The following KIF1A variants were observed in gnomAD, a reference collection of about 807,000 sequenced individuals.
The protein encoded by KIF1A is kinesin family member 1A, also known as kinesin-like protein KIF1A.
In KIF1A, 46 loss-of-function variants were observed where a neutral mutation model predicts 227.3. The ratio of observed to expected loss-of-function variants is 0.20; its 90% CI spans 0.16 to 0.26. The LOEUF is 0.26. Among genes scored for constraint, KIF1A ranks in the 10% least tolerant of loss-of-function variants. The pLI, the probability that KIF1A is intolerant of heterozygous loss-of-function variation, is 1.00. For missense variants in KIF1A, 1,683 were observed against 2,485.9 expected (o/e 0.68, Z 6.87); for synonymous variants, 1,022 against 1,012.8 (o/e 1.01, Z -0.17).
At chr2:240,772,231 C>T (rs773495929) in intron 14 of KIF1A, among the ~76,000 whole-genome samples, 1 of 152,194 alleles carries the variant, frequency 6.6e-6, no homozygotes, top group Non-Finnish European at 1.5e-5. Context: ...CTGACCTTCG[C>T]AGGCCTTTGG....
Position 240,758,524 on chromosome 2 carries a change from G to A in KIF1A, c.2445-27C>T. Reference sequence around the variant, plus strand: ...TGCAGGGACGGCAGGGGTCAATGTGGACCCAGGCCCAGCGCTCAGCAGCTG... The same window carrying A: ...TGCAGGGACGGCAGGGGTCAATGTGAACCCAGGCCCAGCGCTCAGCAGCTG... On this transcript the variant is annotated intron_variant, in intron 25 of 48. Coordinates refer to ENST00000498729, the MANE Select transcript of KIF1A (RefSeq NM_001244008.2). This position sits in a 1 kb window ranked among gnomAD's most constrained non-coding sequence, Gnocchi z 5.2. The A allele has an allele frequency of 6.5e-7, 1 of 1,538,510 alleles. No individual in the cohort carries two copies. The highest frequency in any genetic ancestry group is 8.8e-7 in the Non-Finnish European group (1 of 1,140,284).
In KIF1A at chr2:240,716,189, T is replaced by C. The variant is rs2044583038; in HGVS notation, c.*1175A>G. The C allele has an allele frequency of 1.3e-5, 2 of 151,922 alleles. No individual in the cohort carries two copies. The highest frequency in any genetic ancestry group is 1.9e-4 in the East Asian group (1 of 5,294). 9.4% of individuals were successfully genotyped at this position (151,922 alleles called of 1,614,324 possible). A position where few individuals can be genotyped will look rare whatever the true frequency, so the allele number is the denominator to read the frequency against. ...ACCCTCCATTGCCGACCGACCAGGA[T>C]ACCCCCACCCCATGGGATTTTCTCA... On this transcript the variant is annotated 3_prime_UTR_variant, in exon 49 of 49. Transcript: ENST00000498729.
At chr2:240,759,124 C>T (rs1329369309) in intron 25 of KIF1A, among the ~76,000 whole-genome samples, 1 of 150,022 alleles carries the variant, frequency 6.7e-6, no homozygotes, top group African/African-American at 2.5e-5. Context: ...TATATGTGCA[C>T]ATCTTCATGA....
At chr2:240,763,130 G>A (rs984289124) in intron 21 of KIF1A, 36 bp downstream of exon 21, 7 of 1,602,846 alleles carry the variant, frequency 4.4e-6, no homozygotes, top group Non-Finnish European at 5.9e-6. Context: ...GAGGGCAGGA[G>A]GGGCAGCAGG....
At position 240,757,606 on chromosome 2, in the gene KIF1A, G is replaced by C; in HGVS notation, c.2583-12C>G. On this transcript the variant is annotated splice_polypyrimidine_tract_variant and intron_variant, in intron 26 of 48. Coordinates refer to ENST00000498729, the MANE Select transcript of KIF1A (RefSeq NM_001244008.2). The surrounding 1 kb of genome is among the most constrained non-coding windows in gnomAD (Gnocchi z 6.2). Reference sequence around the variant, plus strand: ...CAGAGATGGCTGAACTGAGGTTAGTGCGACAAGACAGAGAGAAGTTAACAC... The same window carrying C: ...CAGAGATGGCTGAACTGAGGTTAGTCCGACAAGACAGAGAGAAGTTAACAC... The C allele has an allele frequency of 1.3e-6, 2 of 1,549,684 alleles. No homozygotes were observed. The highest frequency in any genetic ancestry group is 1.7e-6 in the Non-Finnish European group (2 of 1,146,618).
intron 27 of KIF1A, among the ~76,000 whole-genome samples, chr2:240,751,843 A>G (rs2049251155): frequency 6.6e-6 from 1 of 151,876 alleles, no homozygotes; most frequent in South Asian, 2.1e-4. Flanking sequence ...TCCAATGCAG[A>G]AGCCCTACCC....
intron 1 of KIF1A, among the ~76,000 whole-genome samples, chr2:240,800,719 G>C (rs189432842): frequency 1.2e-4 from 18 of 152,284 alleles, no homozygotes; most frequent in Non-Finnish European, 2.6e-4. Flanking sequence ...TGAGAGGTGA[G>C]ATTTTAAAAA....
At chr2:240,810,768 C>T (rs1224006958) in intron 1 of KIF1A, among the ~76,000 whole-genome samples, 4 of 152,212 alleles carry the variant, frequency 2.6e-5, no homozygotes, top group Non-Finnish European at 5.9e-5. Flanking sequence ...GCACCGAATT[C>T]ATGGTGCTGG....
In KIF1A at chr2:240,732,491, G is replaced by A. The variant is rs193076841; in HGVS notation, c.4007+4572C>T. ...GATGAGGGGGTGAGGGGAGGAAAGG[G>A]TGAGAGGAGGAGGAATTGAGTGAGG... On this transcript the variant is annotated intron_variant, in intron 38 of 48. Coordinates refer to ENST00000498729, the MANE Select transcript of KIF1A (RefSeq NM_001244008.2). Among the ~76,000 whole-genome samples, 872 of 139,202 alleles carry A rather than the reference G, an allele frequency of 6.3e-3. 11 individuals are homozygous for A. Among genetic ancestry groups the A allele is most frequent in the African/African-American group, 0.023 (852 of 37,028 alleles). 91.3% of individuals were successfully genotyped at this position (139,202 alleles called of 152,430 possible). A position where few individuals can be genotyped will look rare whatever the true frequency, so the allele number is the denominator to read the frequency against.
At chr2:240,800,971 T>C (rs2056914465) in intron 1 of KIF1A, among the ~76,000 whole-genome samples, 1 of 151,172 alleles carries the variant, frequency 6.6e-6, no homozygotes, top group African/African-American at 2.4e-5. Context: ...GGAGAGAAAA[T>C]GGAAGCCATC....
chr2:240,745,252 G>C (rs1277002512), intron 32 of KIF1A, among the ~76,000 whole-genome samples, 175 bp downstream of exon 32: 2 of 152,004 alleles, frequency 1.3e-5, no homozygotes, highest in Non-Finnish European at 2.9e-5. Flanking sequence ...ATCCATCAAG[G>C]GTCTCCCACT....
At chr2:240,723,101 G>A (rs888301458) in intron 42 of KIF1A, among the ~76,000 whole-genome samples, 4 of 152,210 alleles carry the variant, frequency 2.6e-5, no homozygotes, top group African/African-American at 4.8e-5. Flanking sequence ...GATCAAAGCC[G>A]CAGAGGGCAG....
Position 240,740,176 on chromosome 2 carries a change from G to A in KIF1A, c.3817-34C>T, listed in dbSNP as rs370677047. 218 of 1,581,030 alleles carry A rather than the reference G, an allele frequency of 1.4e-4. No homozygotes were observed. The highest frequency in any genetic ancestry group is 1.8e-4 in the Non-Finnish European group (213 of 1,160,342). On this transcript the variant is annotated intron_variant, in intron 36 of 48. Transcript: ENST00000498729. The surrounding 1 kb of genome is among the most constrained non-coding windows in gnomAD (Gnocchi z 6.1). ...GCCAGGTGAGAGGATATGGTCAGACGGCTCAGGGGGCTACGTAGGGTGAGG... is the reference window on the plus strand; with the variant it reads ...GCCAGGTGAGAGGATATGGTCAGACAGCTCAGGGGGCTACGTAGGGTGAGG...
intron 43 of KIF1A, 86 bp from the exon 44 acceptor site, chr2:240,721,970 C>A: frequency 1.8e-6 from 2 of 1,118,634 alleles, no homozygotes; most frequent in Non-Finnish European, 2.6e-6. Context: ...ACCCACCCCT[C>A]CCCAGACACA....
At chr2:240,723,945 C>T (rs779009447) in intron 41 of KIF1A, 30 bp downstream of exon 41, 1 of 1,599,520 alleles carries the variant, frequency 6.3e-7, no homozygotes, top group African/African-American at 1.3e-5. Context: ...GGCCAGGAAC[C>T]CACCCAGTGA....
In KIF1A at chr2:240,789,983, G is replaced by A. The variant is rs74002926; in HGVS notation, c.107-671C>T. ...CGTGATGATGCCCCCGCCCACAGCC[G>A]GTGCCTGGGGGGGTTTCCCAGGAGC... On this transcript the variant is annotated intron_variant, in intron 2 of 48. Coordinates refer to ENST00000498729, the MANE Select transcript of KIF1A (RefSeq NM_001244008.2). This position sits in a 1 kb window ranked among gnomAD's most constrained non-coding sequence, Gnocchi z 4.8. Among the ~76,000 whole-genome samples the A allele has an allele frequency of 0.081, 12,310 of 152,164 alleles. 901 individuals carry two copies. The highest frequency in any genetic ancestry group is 0.2 in the African/African-American group (8,127 of 41,502).
rs556305906 is a variant in KIF1A at position 240,740,190 on chromosome 2, C to T, written c.3817-48G>A. ...TATGGTCAGACGGCTCAGGGGGCTA[C>T]GTAGGGTGAGGGAGGGGGACACAGG... On this transcript the variant is annotated intron_variant, in intron 36 of 48. Transcript: ENST00000498729. The surrounding 1 kb of genome is among the most constrained non-coding windows in gnomAD (Gnocchi z 6.1). 6.2e-5 allele frequency: 97 copies of T among 1,572,610 alleles called. No individual in the cohort carries two copies. In the East Asian group the frequency reaches 1.4e-3, roughly 23 times the overall value.
Position 240,788,038 on chromosome 2 carries a change from C to T in KIF1A, c.363+13G>A. 1.3e-6 allele frequency: 2 copies of T among 1,505,830 alleles called. No individual in the cohort carries two copies. The highest frequency in any genetic ancestry group is 1.8e-6 in the Non-Finnish European group (2 of 1,107,628). The allele number at this position is 1,505,830 out of a possible 1,614,324, so 93.3% of individuals were successfully genotyped here. On this transcript the variant is annotated intron_variant, in intron 4 of 48. Transcript: ENST00000498729. The surrounding 1 kb of genome is among the most constrained non-coding windows in gnomAD (Gnocchi z 6.6). ...TCTGCCAGGGCTGCCCCCGCCCGCC[C>T]CCCGCTTCGTGCCTGTGGGATGATG...
At chr2:240,719,974 G>A (rs762714105) in intron 45 of KIF1A, 48 bp from the exon 46 acceptor site, 1 of 1,530,678 alleles carries the variant, frequency 6.5e-7, no homozygotes, top group South Asian at 1.3e-5. Flanking sequence ...CCCTGGGCCT[G>A]GGGCCGTCTT....
Sources: gnomAD v4.1 joint callset for allele counts (sites outside exome capture counted in the v4.1 genomes callset) on GRCh38, gnomAD v4.1.1 for gene constraint, Gnocchi (gnomAD v3.1) non-coding constraint, MANE v1.5 for transcripts, NCBI Gene and HGNC (gene_info 2026-07-23, HGNC 2026-07-21) for gene names.